Variants in PARD3B observed in about 807,000 individuals in gnomAD.
The protein encoded by PARD3B is partitioning defective 3 homolog B.
PARD3B carries 103 observed loss-of-function variants against 130.2 expected under a neutral mutation model. The observed-to-expected ratio is 0.79, with a 90% CI of 0.67 to 0.93. The LOEUF is 0.93. PARD3B is among the 40% of genes least tolerant of loss of function. The probability of loss-of-function intolerance (pLI) is 0.00; values close to 1 mark genes in which losing one functional copy is unlikely to be tolerated. For missense variants in PARD3B, 1,609 were observed against 1,499.2 expected (o/e 1.07, Z -1.21); for synonymous variants, 583 against 553.2 (o/e 1.05, Z -0.76).
intron 1 of PARD3B, among the ~76,000 whole-genome samples, chr2:204,659,754 T>C (rs1311165719): frequency 6.6e-6 from 1 of 152,200 alleles, no homozygotes; most frequent in Non-Finnish European, 1.5e-5. Flanking sequence ...TCTGAGACCA[T>C]TTTATCATCA....
chr2:204,781,021 A>AC (rs1370074446), intron 2 of PARD3B, among the ~76,000 whole-genome samples: 1 of 152,176 alleles, frequency 6.6e-6, no homozygotes, highest in African/African-American at 2.4e-5. Context: ...CATTCAGAGA[A>AC]CAGGTAAAGT....
At chr2:205,254,671 T>A (rs1021666427) in intron 16 of PARD3B, among the ~76,000 whole-genome samples, 4 of 144,542 alleles carry the variant, frequency 2.8e-5, no homozygotes, top group Non-Finnish European at 4.6e-5. Context: ...TTTATTTTAT[T>A]TTTTTTTTTT....
At chr2:204,599,241 TTAATCA>T (rs2033415507) in intron 1 of PARD3B, among the ~76,000 whole-genome samples, 1 of 151,942 alleles carries the variant, frequency 6.6e-6, no homozygotes, top group African/African-American at 2.4e-5. Flanking sequence ...TATGTTATTG[TTAATCA>T]TAATCATTCT....
At chr2:205,063,420 A>G (rs772872309) in intron 4 of PARD3B, among the ~76,000 whole-genome samples, 21 of 152,104 alleles carry the variant, frequency 1.4e-4, no homozygotes, top group Non-Finnish European at 2.5e-4. Context: ...ATGAACTAGA[A>G]ATTAGTCTTT....
At chr2:204,911,945 ATATACT>A (rs1299997048) in intron 2 of PARD3B, among the ~76,000 whole-genome samples, 4 of 152,178 alleles carry the variant, frequency 2.6e-5, no homozygotes, top group Admixed American at 6.5e-5. Flanking sequence ...AATATGTGAA[ATATACT>A]TAAATAATGT....
intron 2 of PARD3B, among the ~76,000 whole-genome samples, chr2:204,721,196 A>G (rs2038980763): frequency 6.6e-6 from 1 of 152,220 alleles, no homozygotes; most frequent in South Asian, 2.1e-4. Context: ...GAGGGAGACA[A>G]TAAGTAGTTT....
intron 22 of PARD3B, among the ~76,000 whole-genome samples, chr2:205,613,325 G>A (rs2055304871): frequency 6.6e-6 from 1 of 152,224 alleles, no homozygotes; most frequent in South Asian, 2.1e-4. Flanking sequence ...TGGATTTTGA[G>A]AGAAAGTACA....
chr2:205,521,306 TTTTTTATTTTTTC>T (rs1164295880), intron 21 of PARD3B, among the ~76,000 whole-genome samples: 19 of 152,050 alleles, frequency 1.2e-4, no homozygotes, highest in Non-Finnish European at 2.4e-4. Flanking sequence ...TTTTTATGAA[TTTTTTATTTTTTC>T]TATTACAATG....
intron 6 of PARD3B, among the ~76,000 whole-genome samples, chr2:205,114,205 CT>C (rs1368977122): frequency 4.6e-5 from 7 of 152,086 alleles, no homozygotes; most frequent in Non-Finnish European, 1.0e-4. Context: ...ATCAACACTT[CT>C]TGAAATTTAC....
At chr2:205,132,691 A>T (rs1355832135) in intron 10 of PARD3B, among the ~76,000 whole-genome samples, 1 of 152,162 alleles carries the variant, frequency 6.6e-6, no homozygotes, top group African/African-American at 2.4e-5. Context: ...AAGATGCCAC[A>T]TTTGGGAATC....
At chr2:205,385,832 A>G (rs2045642133) in intron 18 of PARD3B, among the ~76,000 whole-genome samples, 1 of 152,182 alleles carries the variant, frequency 6.6e-6, no homozygotes, top group Non-Finnish European at 1.5e-5. Flanking sequence ...TAGGTATTTC[A>G]GTATACCAAT....
intron 2 of PARD3B, among the ~76,000 whole-genome samples, chr2:204,688,007 G>A (rs973092327): frequency 1.3e-5 from 2 of 152,072 alleles, no homozygotes; most frequent in African/African-American, 4.8e-5. Flanking sequence ...CAGCAATGCA[G>A]TTTATAACCA....
At chr2:204,893,777 A>G (rs949007152) in intron 2 of PARD3B, among the ~76,000 whole-genome samples, 4 of 152,172 alleles carry the variant, frequency 2.6e-5, no homozygotes, top group Non-Finnish European at 5.9e-5. Context: ...CAACAGCCAC[A>G]TGTGGCTAGT....
At chr2:204,918,746 T>G (rs925645008) in intron 2 of PARD3B, among the ~76,000 whole-genome samples, 7 of 152,214 alleles carry the variant, frequency 4.6e-5, no homozygotes, top group African/African-American at 1.4e-4. Context: ...GTTTGTTCTT[T>G]TTGAGGGATT....
intron 3 of PARD3B, among the ~76,000 whole-genome samples, chr2:205,004,314 C>T (rs373911483): frequency 9.9e-5 from 15 of 152,246 alleles, no homozygotes; most frequent in East Asian, 9.7e-4. Flanking sequence ...CTCCTGCTTC[C>T]GCAAGAATTT....
intron 1 of PARD3B, among the ~76,000 whole-genome samples, chr2:204,573,718 A>G (rs2032117708): frequency 6.6e-6 from 1 of 152,128 alleles, no homozygotes; most frequent in Non-Finnish European, 1.5e-5. Context: ...ATTGAAATAC[A>G]CATCACTGTT....
rs1559532796 is a variant in PARD3B at position 205,197,087 on chromosome 2, G to GAA, written c.2140+3768_2140+3769insAA. Among the ~76,000 whole-genome samples the GAA allele has an allele frequency of 4.3e-3, 652 of 151,464 alleles. 5 individuals are homozygous for GAA. The highest frequency in any genetic ancestry group is 0.015 in the African/African-American group (628 of 41,330). On this transcript the variant is annotated intron_variant, in intron 15 of 22. Coordinates refer to ENST00000406610, the MANE Select transcript of PARD3B (RefSeq NM_001302769.2). Reference sequence around the variant, plus strand: ...TGTGTGTGTGTGTGAGAGAGAGAGAGAGAGAGCATGCACATTAATTATAAT... The same window carrying GAA: ...TGTGTGTGTGTGTGAGAGAGAGAGAGAAAGAGAGCATGCACATTAATTATAAT...
chr2:205,058,584 A>G (rs1335949240), intron 4 of PARD3B, among the ~76,000 whole-genome samples: 1 of 151,942 alleles, frequency 6.6e-6, no homozygotes, highest in African/African-American at 2.4e-5. Flanking sequence ...CAGTTTCTCC[A>G]CATCCTTGCC....
At chr2:205,001,544 G>A (rs1036645222) in intron 3 of PARD3B, among the ~76,000 whole-genome samples, 5 of 152,336 alleles carry the variant, frequency 3.3e-5, no homozygotes, top group South Asian at 2.1e-4. Context: ...ACCGTCAGCT[G>A]AAGCTGCACC....
Sources: gnomAD v4.1 joint callset for allele counts (sites outside exome capture counted in the v4.1 genomes callset) on GRCh38, gnomAD v4.1.1 for gene constraint, MANE v1.5 for transcripts, NCBI Gene and HGNC (gene_info 2026-07-23, HGNC 2026-07-21) for gene names.